RCL1: variants seen among roughly 807,000 people sequenced by gnomAD.
RCL1 encodes RNA terminal phosphate cyclase like 1.
A neutral mutation model predicts 42.4 loss-of-function variants in RCL1; 24 were observed. The observed-to-expected ratio is 0.57, with a 90% CI of 0.41 to 0.80. The LOEUF is 0.80. Ranked by LOEUF, RCL1 falls within the 30% of genes least tolerant of loss-of-function variation. RCL1 has a pLI of 0.00. For synonymous variants in RCL1, 228 were observed against 177.3 expected (o/e 1.29, Z -2.27); for missense variants, 578 against 467.9 (o/e 1.24, Z -2.17).
intron 3 of RCL1, among the ~76,000 whole-genome samples, chr9:4,829,240 C>T (rs1816869787): frequency 6.6e-6 from 1 of 152,080 alleles, no homozygotes; most frequent in Non-Finnish European, 1.5e-5. Flanking sequence ...GAAGATAATT[C>T]TGGAGGTTGA....
chr9:4,848,023 G>A (rs956318782), intron 7 of RCL1, among the ~76,000 whole-genome samples: 1 of 152,164 alleles, frequency 6.6e-6, no homozygotes, highest in Non-Finnish European at 1.5e-5. Flanking sequence ...GTCCTGTACA[G>A]GGACCTTAGC....
At chr9:4,842,128 T>C (rs1423009707) in intron 6 of RCL1, among the ~76,000 whole-genome samples, 2 of 152,238 alleles carry the variant, frequency 1.3e-5, no homozygotes, top group African/African-American at 4.8e-5. Context: ...TTTGTTTGTT[T>C]TTGTTTTTTA....
chr9:4,847,290 T>C (rs1297443390), intron 7 of RCL1, among the ~76,000 whole-genome samples: 1 of 152,240 alleles, frequency 6.6e-6, no homozygotes, highest in African/African-American at 2.4e-5. Context: ...CTATGATCTT[T>C]AATTATTAAA....
intron 1 of RCL1, among the ~76,000 whole-genome samples, chr9:4,802,082 T>C (rs1444823998): frequency 3.5e-5 from 5 of 144,808 alleles, no homozygotes; most frequent in Non-Finnish European, 3.1e-5. Flanking sequence ...CTATTTTTTT[T>C]TTTTTTTTTT....
At chr9:4,827,401 T>A (rs1411009675) in intron 3 of RCL1, 4 of 588,680 alleles carry the variant, frequency 6.8e-6, no homozygotes, top group East Asian at 3.3e-5. Context: ...GACCAAAATT[T>A]TGGGCAGGAG....
At chr9:4,811,142 TGTG>T (rs1816158779) in intron 1 of RCL1, among the ~76,000 whole-genome samples, 1 of 151,862 alleles carries the variant, frequency 6.6e-6, no homozygotes, top group Non-Finnish European at 1.5e-5. Flanking sequence ...ATTAGCCAGG[TGTG>T]GTGGTGCACA....
At chr9:4,803,051 G>A (rs896325875) in intron 1 of RCL1, among the ~76,000 whole-genome samples, 9 of 134,596 alleles carry the variant, frequency 6.7e-5, no homozygotes, top group African/African-American at 2.5e-4. Flanking sequence ...TCACTGTTTT[G>A]TCCAGGCTGG....
At chr9:4,846,127 G>A (rs1817503009) in intron 7 of RCL1, among the ~76,000 whole-genome samples, 1 of 152,168 alleles carries the variant, frequency 6.6e-6, no homozygotes, top group Admixed American at 6.5e-5. Flanking sequence ...TATATTTATA[G>A]TCTACTCCCT....
chr9:4,801,901 C>T (rs114427448), intron 1 of RCL1, among the ~76,000 whole-genome samples: 1,799 of 151,738 alleles, frequency 0.012, 30 homozygotes, highest in African/African-American at 0.042. Flanking sequence ...CTCTTGCCAA[C>T]ACGACACAGT....
intron 1 of RCL1, among the ~76,000 whole-genome samples, chr9:4,815,263 A>G (rs778655129): frequency 5.9e-5 from 9 of 151,988 alleles, no homozygotes; most frequent in Non-Finnish European, 1.0e-4. Context: ...TTGCTTAATG[A>G]TTTCCTGTAA....
At chr9:4,850,494 T>TTTC (rs1324279221) in intron 8 of RCL1, 8 of 62,238 alleles carry the variant, frequency 1.3e-4, no homozygotes, top group South Asian at 3.7e-4. Context: ...TTTTTTTTTC[T>TTTC]TTTTTTTTTT....
intron 7 of RCL1, among the ~76,000 whole-genome samples, chr9:4,847,721 G>A (rs932093457): frequency 4.6e-5 from 7 of 152,156 alleles, no homozygotes; most frequent in African/African-American, 1.2e-4. Flanking sequence ...CAGAATTCTC[G>A]ACCCATTTCG....
At chr9:4,850,568 T>C (rs1817708759) in intron 8 of RCL1, among the ~76,000 whole-genome samples, 2 of 151,004 alleles carry the variant, frequency 1.3e-5, no homozygotes, top group African/African-American at 4.9e-5. Flanking sequence ...TACATTCTGT[T>C]AGCAGAGAGG....
chr9:4,806,243 T>C (rs1015803463), intron 1 of RCL1, among the ~76,000 whole-genome samples: 1 of 152,136 alleles, frequency 6.6e-6, no homozygotes. Flanking sequence ...TTCTGCCTTA[T>C]TGCACTGGCT....
At chr9:4,833,852 G>C (rs1386940430) in intron 4 of RCL1, among the ~76,000 whole-genome samples, 1 of 152,210 alleles carries the variant, frequency 6.6e-6, no homozygotes, top group Non-Finnish European at 1.5e-5. Context: ...TCAGATGATG[G>C]ACTAGGTCAG....
intron 3 of RCL1, among the ~76,000 whole-genome samples, chr9:4,829,181 TAGAG>T (rs1816868604): frequency 1.3e-5 from 2 of 152,214 alleles, no homozygotes; most frequent in Admixed American, 1.3e-4. Context: ...TGCTTAGTGT[TAGAG>T]AGCGTTTCTT....
intron 5 of RCL1, among the ~76,000 whole-genome samples, chr9:4,837,229 A>G (rs190806666): frequency 1.3e-5 from 2 of 152,272 alleles, no homozygotes; most frequent in East Asian, 3.9e-4. Flanking sequence ...GTATTCCACC[A>G]TATATAGAAC....
chr9:4,827,355 G>A (rs886108751), intron 3 of RCL1: 2 of 1,010,348 alleles, frequency 2.0e-6, no homozygotes, highest in African/African-American at 3.3e-5. Context: ...TGGAGTTTTT[G>A]TAAGATCCTG....
intron 5 of RCL1, among the ~76,000 whole-genome samples, chr9:4,837,354 G>A (rs944635649): frequency 6.6e-6 from 1 of 152,096 alleles, no homozygotes; most frequent in African/African-American, 2.4e-5. Flanking sequence ...GAAAAAAAGT[G>A]TAATAAGTGT....
Sources: allele counts gnomAD v4.1 joint callset (sites outside exome capture counted in the v4.1 genomes callset), GRCh38; gene constraint gnomAD v4.1.1; transcripts MANE v1.5; gene names NCBI Gene and HGNC (gene_info 2026-07-23, HGNC 2026-07-21).